Variants in MEFV observed in about 807,000 individuals in gnomAD.
The protein encoded by MEFV is MEFV innate immunity regulator, pyrin, also known as pyrin.
In MEFV, 60 loss-of-function variants were observed where a neutral mutation model predicts 62.5. The ratio of observed to expected loss-of-function variants is 0.96; its 90% confidence interval spans 0.78 to 1.19. The LOEUF (loss-of-function observed/expected upper bound fraction) is 1.19. Ranked by LOEUF, MEFV falls within the 50% of genes most tolerant of loss-of-function variation. The pLI, the probability that MEFV is intolerant of heterozygous loss-of-function variation, is 0.00. For synonymous variants in MEFV, 500 were observed against 415.2 expected (o/e 1.20, Z -2.48); for missense variants, 1,169 against 1,004.5 (o/e 1.16, Z -2.21).
At chr16:3,245,236 T>C (rs182673) in intron 6 of MEFV, among the ~76,000 whole-genome samples, 89,847 of 151,306 alleles carry the variant, frequency 0.59, 26,979 homozygotes, top group South Asian at 0.73. Flanking sequence ...TGCAGTGAGC[T>C]GTGACTGTGC....
chr16:3,249,609 C>G lies in MEFV; in HGVS notation c.1082G>C (p.Arg361Thr), dbSNP rs190405488. 19 of 1,614,142 alleles carry G rather than the reference C, an allele frequency of 1.2e-5. No homozygotes were observed. Among genetic ancestry groups the G allele is most frequent in the Middle Eastern group, 3.3e-4 (2 of 6,058 alleles). The change falls in exon 3 of 10, where the codon AGG becomes ACG. Residue 361 changes from arginine to threonine, a missense_variant. Physicochemically the swap from Arg to Thr is moderately conservative, Grantham distance 71. Coordinates refer to ENST00000219596, the MANE Select transcript of MEFV (RefSeq NM_000243.3). ...GGGGCTTAGGCTTCCCGGGCTCTTC[C>G]TTTCATGGGAGTCCTGGCACCGGGG... is the stretch of plus-strand genomic sequence containing the variant. ...GCPRCQDSHE[R>T]KSPGSLSPQP...
chr16:3,248,156 G>A (rs1459579217), intron 4 of MEFV, among the ~76,000 whole-genome samples: 2 of 152,108 alleles, frequency 1.3e-5, no homozygotes, highest in African/African-American at 4.8e-5. Context: ...CCACTAAGGA[G>A]GCTGAGGCAG....
chr16:3,249,802 A>T, intron 2 of MEFV, 22 bp from the exon 3 acceptor site: 1 of 1,603,572 alleles, frequency 6.2e-7, no homozygotes, highest in Middle Eastern at 1.7e-4. Flanking sequence ...CAGTGGAAAA[A>T]CCCCCTGAAT....
chr16:3,249,864 C>T, intron 2 of MEFV, 84 bp from the exon 3 acceptor site: 1 of 1,126,240 alleles, frequency 8.9e-7, no homozygotes, highest in Non-Finnish European at 1.3e-6. Context: ...GCGGACACAG[C>T]CCTTGCCTGA....
chr16:3,249,802 A>G (rs104895189), intron 2 of MEFV, 22 bp from the exon 3 acceptor site: 5 of 1,603,458 alleles, frequency 3.1e-6, no homozygotes, highest in African/African-American at 1.3e-5. Flanking sequence ...CAGTGGAAAA[A>G]CCCCCTGAAT....
At chr16:3,248,148 A>T (rs1958972794) in intron 4 of MEFV, among the ~76,000 whole-genome samples, 1 of 151,926 alleles carries the variant, frequency 6.6e-6, no homozygotes, top group Admixed American at 6.6e-5. Context: ...AATTCCAGCC[A>T]CTAAGGAGGC....
chr16:3,253,977 T>C (rs1346663033), intron 2 of MEFV, among the ~76,000 whole-genome samples, 181 bp downstream of exon 2: 1 of 152,078 alleles, frequency 6.6e-6, no homozygotes, highest in Non-Finnish European at 1.5e-5. Context: ...ATTTTTTTAA[T>C]TTCGTTTATA....
chr16:3,244,304 G>A lies in MEFV; in HGVS notation c.1727-18C>T, dbSNP rs1051037019. The A allele has an allele frequency of 1.2e-6, 2 of 1,614,028 alleles. No homozygotes were observed. Among genetic ancestry groups the A allele is most frequent in the South Asian group, 2.2e-5 (2 of 91,068 alleles). On this transcript the variant is annotated intron_variant, in intron 7 of 9. Transcript: ENST00000219596. ...CAGGGTTTCTAAAATGTGGGAAAGG[G>A]AGCAGAGAGAAGCTGGAGTTAGGTC...
Position 3,243,227 on chromosome 16 carries a change from G to T in MEFV, c.2260C>A (p.Pro754Thr). Residue 754 changes from proline to threonine, a missense_variant, in exon 10 of 10, where the codon CCT becomes ACT. By Grantham distance (38) the Pro-to-Thr change is conservative. Coordinates refer to ENST00000219596, the MANE Select transcript of MEFV (RefSeq NM_000243.3). ...TCACGTGTCCCAGGGCTGAAGATAGGTTGAAGGGGCCCAGAGAAAGAGCAG... is the reference window on the plus strand; with the variant it reads ...TCACGTGTCCCAGGGCTGAAGATAGTTTGAAGGGGCCCAGAGAAAGAGCAG... The part of the protein sequence containing the change: ...ASCSFSGPLQ[P>T]IFSPGTRDGG... 1.2e-6 allele frequency: 2 copies of T among 1,614,154 alleles called. No homozygotes were observed.
chr16:3,248,878 C>G, intron 4 of MEFV, 31 bp downstream of exon 4: 1 of 1,612,392 alleles, frequency 6.2e-7, no homozygotes, highest in South Asian at 1.1e-5. Context: ...CTCCCAGGGA[C>G]GGATGGGCCA....
intron 1 of MEFV, among the ~76,000 whole-genome samples, chr16:3,255,126 G>A (rs752324655): frequency 5.3e-5 from 8 of 152,164 alleles, no homozygotes; most frequent in Non-Finnish European, 1.2e-4. Flanking sequence ...AGACCAGCCT[G>A]GCCAACATGG....
At chr16:3,251,647 G>T (rs1185445153) in intron 2 of MEFV, among the ~76,000 whole-genome samples, 1 of 152,194 alleles carries the variant, frequency 6.6e-6, no homozygotes, top group Non-Finnish European at 1.5e-5. Context: ...TTTTCTTTCT[G>T]CTGAGAGAAA....
At chr16:3,248,886 C>T (rs1254082683) in intron 4 of MEFV, 23 bp downstream of exon 4, 1 of 1,613,116 alleles carries the variant, frequency 6.2e-7, no homozygotes, top group Non-Finnish European at 8.5e-7. Context: ...GACGGATGGG[C>T]CATCAGCCAC....
rs769163866 is a variant in MEFV, at chr16:3,244,540, T to C, written c.1659A>G (p.Ile553Met). 1 of 1,614,072 alleles carries C rather than the reference T, an allele frequency of 6.2e-7. No individual in the cohort carries two copies. The highest frequency in any genetic ancestry group is 1.3e-5 in the African/African-American group (1 of 74,924). ...VPEKWTTPQEIKQKIQLLHQK... is the reference protein window; with the variant it reads ...VPEKWTTPQEMKQKIQLLHQK... ...GGTGGAGGAGTTGGATCTTTTGTTT[T>C]ATCTCTTGAGGAGTGGTCCACTTTT... The change falls in exon 7 of 10, where the codon ATA (isoleucine) becomes ATG (methionine). Residue 553 changes from isoleucine to methionine, a missense_variant. Ile to Met is a conservative substitution (Grantham distance 10). Coordinates refer to ENST00000219596, the MANE Select transcript of MEFV (RefSeq NM_000243.3).
chr16:3,244,122 GACCTTTCTCCT>G, intron 8 of MEFV, 121 bp downstream of exon 8: 1 of 1,557,902 alleles, frequency 6.4e-7, no homozygotes, highest in Non-Finnish European at 8.7e-7. Flanking sequence ...GGCCTGCCAT[GACCTTTCTCCT>G]ACCTTTGCTC....
At chr16:3,254,017 A>T in intron 2 of MEFV, 141 bp downstream of exon 2, 2 of 904,732 alleles carry the variant, frequency 2.2e-6, no homozygotes, top group Non-Finnish European at 3.5e-6. Flanking sequence ...TACATTCACC[A>T]GGCTGGTCTC....
Position 3,242,497 on chromosome 16 carries a change from C to G in MEFV, c.*644G>C, listed in dbSNP as rs1202122702. 6.2e-6 allele frequency: 1 copy of G among 162,518 alleles called. No individual in the cohort carries two copies. The highest frequency in any genetic ancestry group is 1.4e-5 in the Non-Finnish European group (1 of 73,424). 10.1% of individuals were successfully genotyped at this position (162,518 alleles called of 1,614,324 possible). ...CCAGCCTGGCTAACATGGTGAAACC[C>G]CCGTCTCTACTAAAAATACAAGAAA... is the stretch of plus-strand genomic sequence containing the variant. On this transcript the variant is annotated 3_prime_UTR_variant, in exon 10 of 10. Coordinates refer to ENST00000219596, the MANE Select transcript of MEFV (RefSeq NM_000243.3).
In MEFV at chr16:3,242,361, CAAA is replaced by C. The variant is rs60407399; in HGVS notation, c.*777_*779del. ...GGGTGACAAGAGCAAAACTTTGTCTCAAAAAAAAAAAAAAAAAAGAATCATAGG... is the reference window on the plus strand; with the variant it reads ...GGGTGACAAGAGCAAAACTTTGTCTCAAAAAAAAAAAAAAAGAATCATAGG... On this transcript the variant is annotated 3_prime_UTR_variant, in exon 10 of 10. Coordinates refer to ENST00000219596, the MANE Select transcript of MEFV (RefSeq NM_000243.3). 2.6e-4 allele frequency: 19 copies of C among 73,266 alleles called. No individual in the cohort carries two copies. The South Asian group carries it at 3.7e-3, about 14-fold the overall frequency. 4.5% of individuals were successfully genotyped at this position (73,266 alleles called of 1,614,324 possible). A position where few individuals can be genotyped will look rare whatever the true frequency, so the allele number is the denominator to read the frequency against.
intron 6 of MEFV, among the ~76,000 whole-genome samples, chr16:3,245,925 T>C (rs1958936594): frequency 2.6e-5 from 4 of 152,226 alleles, no homozygotes; most frequent in South Asian, 4.1e-4. Context: ...GAAGTCCCGA[T>C]ATCCATGAAT....
Sources: gnomAD v4.1 joint callset for allele counts (sites outside exome capture counted in the v4.1 genomes callset) on GRCh38, gnomAD v4.1.1 for gene constraint, MANE v1.5 for transcripts, NCBI Gene and HGNC (gene_info 2026-07-23, HGNC 2026-07-21) for gene names.